Variants in PRKCA observed in about 807,000 individuals in gnomAD.
PRKCA encodes the protein protein kinase C alpha.
PRKCA carries 27 observed loss-of-function variants against 87.0 expected under a neutral mutation model. That is an observed-to-expected ratio of 0.31 (90% CI 0.23 to 0.43). PRKCA has a LOEUF of 0.43. Ranked by LOEUF, PRKCA falls within the 20% of genes least tolerant of loss-of-function variation. The pLI, the probability that PRKCA is intolerant of heterozygous loss-of-function variation, is 1.00. For missense variants in PRKCA, 518 were observed against 852.3 expected, an observed-to-expected ratio of 0.61 and a Z score of 4.88; for synonymous variants, 329 against 311.1, an observed-to-expected ratio of 1.06 and a Z score of -0.61.
At chr17:66,500,402 A>G (rs773993063) in intron 3 of PRKCA, among the ~76,000 whole-genome samples, 1 of 152,240 alleles carries the variant, frequency 6.6e-6, no homozygotes, top group South Asian at 2.1e-4. Context: ...TTGGAAAATC[A>G]TGAAGGCATT....
At chr17:66,614,492 T>TA (rs1198430861) in intron 3 of PRKCA, among the ~76,000 whole-genome samples, 1 of 152,210 alleles carries the variant, frequency 6.6e-6, no homozygotes, top group Non-Finnish European at 1.5e-5. Flanking sequence ...GGTGAGTTCT[T>TA]AAAAATGTTA....
chr17:66,495,525 GTATTTTATTTTATTT>G (rs56718851), intron 2 of PRKCA, among the ~76,000 whole-genome samples: 34 of 137,342 alleles, frequency 2.5e-4, no homozygotes, highest in Non-Finnish European at 4.6e-4. Context: ...ATGGTGCAAA[GTATTTTATTTTATTT>G]TATTTTATTT....
chr17:66,566,509 G>T (rs532177968), intron 3 of PRKCA, among the ~76,000 whole-genome samples: 45 of 108,120 alleles, frequency 4.2e-4, no homozygotes, highest in Admixed American at 3.8e-3. Flanking sequence ...TTTTGCAACA[G>T]CTTTCCCCAC....
At chr17:66,377,742 T>TG (rs1909544087) in intron 2 of PRKCA, among the ~76,000 whole-genome samples, 1 of 132,042 alleles carries the variant, frequency 7.6e-6, no homozygotes, top group Non-Finnish European at 1.6e-5. Flanking sequence ...TTTTTTTTTT[T>TG]GAGGCAGGAC....
intron 2 of PRKCA, among the ~76,000 whole-genome samples, chr17:66,493,277 G>A (rs935516719): frequency 6.8e-6 from 1 of 147,342 alleles, no homozygotes; most frequent in African/African-American, 2.5e-5. Flanking sequence ...GTGTATATGT[G>A]TATGTCTATG....
chr17:66,502,244 T>C (rs947383451), intron 3 of PRKCA, among the ~76,000 whole-genome samples: 3 of 152,150 alleles, frequency 2.0e-5, no homozygotes, highest in Non-Finnish European at 4.4e-5. Flanking sequence ...TTAATTTTTT[T>C]TTTTTCTTGA....
At chr17:66,349,775 C>T (rs534298707) in intron 2 of PRKCA, among the ~76,000 whole-genome samples, 2 of 152,222 alleles carry the variant, frequency 1.3e-5, no homozygotes, top group African/African-American at 2.4e-5. Context: ...CTCACTTGCA[C>T]GGCTTTGATT....
chr17:66,750,864 T>G (rs1414671576), intron 13 of PRKCA, among the ~76,000 whole-genome samples: 4 of 152,222 alleles, frequency 2.6e-5, no homozygotes, highest in Non-Finnish European at 5.9e-5. Flanking sequence ...AACACAGGAC[T>G]GAGCAGCTTT....
intron 2 of PRKCA, among the ~76,000 whole-genome samples, chr17:66,364,954 A>C (rs748507509): frequency 2.0e-5 from 3 of 152,180 alleles, no homozygotes; most frequent in Non-Finnish European, 4.4e-5. Context: ...GGTAAAATCT[A>C]ATTGTACCAG....
chr17:66,485,427 T>G (rs538877250), intron 2 of PRKCA, among the ~76,000 whole-genome samples: 1 of 152,354 alleles, frequency 6.6e-6, no homozygotes, highest in South Asian at 2.1e-4. Flanking sequence ...CCTAACGTGC[T>G]GAGTGCTTAT....
chr17:66,517,228 G>T (rs1010354931), intron 3 of PRKCA, among the ~76,000 whole-genome samples: 1 of 152,184 alleles, frequency 6.6e-6, no homozygotes, highest in Non-Finnish European at 1.5e-5. Context: ...AGGTTGCAGT[G>T]AGCTGAGATT....
intron 14 of PRKCA, chr17:66,774,354 C>T (rs1373866103): frequency 1.6e-6 from 2 of 1,224,164 alleles, no homozygotes; most frequent in African/African-American, 1.5e-5. Flanking sequence ...GGCGCGGTGG[C>T]TCATGGCTAT....
intron 2 of PRKCA, among the ~76,000 whole-genome samples, chr17:66,349,961 G>A (rs1907639459): frequency 6.8e-6 from 1 of 147,598 alleles, no homozygotes; most frequent in South Asian, 2.2e-4. Context: ...AGTTACAGAG[G>A]TTAAAAAAAA....
At chr17:66,421,527 CTCTTCTCTTT>C (rs970806554) in intron 2 of PRKCA, among the ~76,000 whole-genome samples, 15 of 140,962 alleles carry the variant, frequency 1.1e-4, no homozygotes, top group African/African-American at 4.0e-4. Flanking sequence ...CTCTTCTCTT[CTCTTCTCTTT>C]TCTTTCTTTT....
Position 66,518,180 on chromosome 17 carries a change from C to T in PRKCA, c.288+21897C>T, listed in dbSNP as rs545374192. Reference sequence around the variant, plus strand: ...AAAATATTAGGCGAGGAGAAGGCTACGGGCATTGTTTGGTGTTTCATTTAA... The same window carrying T: ...AAAATATTAGGCGAGGAGAAGGCTATGGGCATTGTTTGGTGTTTCATTTAA... On this transcript the variant is annotated intron_variant, in intron 3 of 16. Transcript: ENST00000413366. Among the ~76,000 whole-genome samples the T allele has an allele frequency of 6.6e-5, 10 of 152,216 alleles. No homozygotes were observed. The South Asian group carries it at 1.0e-3, about 16-fold the overall frequency.
chr17:66,532,084 G>A (rs1200041414), intron 3 of PRKCA, among the ~76,000 whole-genome samples: 1 of 151,950 alleles, frequency 6.6e-6, no homozygotes, highest in African/African-American at 2.4e-5. Context: ...TTTCCAAGAG[G>A]GAACATTGCA....
chr17:66,356,618 C>T (rs369550739), intron 2 of PRKCA, among the ~76,000 whole-genome samples: 18 of 151,842 alleles, frequency 1.2e-4, no homozygotes, highest in African/African-American at 3.9e-4. Context: ...AGTGAGACTC[C>T]GTCTCAAAAA....
intron 2 of PRKCA, among the ~76,000 whole-genome samples, chr17:66,481,548 C>G (rs555048401): frequency 3.9e-5 from 6 of 152,274 alleles, no homozygotes; most frequent in African/African-American, 1.4e-4. Flanking sequence ...CTGCTCGCCT[C>G]TCTCCTAGGC....
intron 2 of PRKCA, among the ~76,000 whole-genome samples, chr17:66,406,521 A>G (rs1911387273): frequency 6.8e-6 from 1 of 145,986 alleles, no homozygotes; most frequent in Non-Finnish European, 1.5e-5. Flanking sequence ...TCCTTTGCCA[A>G]GAGTCTATGG....
Sources: allele counts gnomAD v4.1 joint callset (sites outside exome capture counted in the v4.1 genomes callset), GRCh38; gene constraint gnomAD v4.1.1; transcripts MANE v1.5; gene names NCBI Gene and HGNC (gene_info 2026-07-23, HGNC 2026-07-21).